The following SRP68 variants were observed in gnomAD, a reference collection of about 807,000 sequenced individuals.
SRP68 encodes signal recognition particle subunit SRP68.
SRP68 carries 15 observed loss-of-function variants against 82.2 expected under a neutral mutation model. The ratio of observed to expected loss-of-function variants is 0.18; its 90% CI spans 0.12 to 0.28. The LOEUF (loss-of-function observed/expected upper bound fraction) is 0.28. SRP68 is among the 10% of genes least tolerant of loss of function. The probability of loss-of-function intolerance (pLI) is 1.00; values close to 1 mark genes in which losing one functional copy is unlikely to be tolerated. For synonymous variants in SRP68, 261 were observed against 292.6 expected (o/e 0.89, Z 1.10); for missense variants, 595 against 780.5 (o/e 0.76, Z 2.83).
At chr17:76,041,879 G>T (rs1008548187) in intron 13 of SRP68, among the ~76,000 whole-genome samples, 2 of 150,466 alleles carry the variant, frequency 1.3e-5, no homozygotes, top group African/African-American at 2.4e-5. Flanking sequence ...TCAACGACAG[G>T]AACCTTTGCT....
intron 8 of SRP68, among the ~76,000 whole-genome samples, chr17:76,056,518 A>T (rs763916797): frequency 1.3e-4 from 20 of 152,214 alleles, no homozygotes; most frequent in Admixed American, 7.9e-4. Context: ...AATAAAAGGG[A>T]TATGAGACAG....
chr17:76,064,114 C>T lies in SRP68; in HGVS notation c.423G>A (p.Leu141=). ...GGGGTTCAGTGTTGGCTTCCTGTTTCAGCTGCATGGCGTAGCTCCAGGCTC... is the reference window on the plus strand; with the variant it reads ...GGGGTTCAGTGTTGGCTTCCTGTTTTAGCTGCATGGCGTAGCTCCAGGCTC... The part of the protein sequence containing the change: ...AERAWSYAMQ[L]KQEANTEPRK... Residue 141 remains leucine, a synonymous_variant, in exon 4 of 16, where the codon CTG becomes CTA. Transcript: ENST00000307877. 3 of 1,614,216 alleles carry T rather than the reference C, an allele frequency of 1.9e-6. No homozygotes were observed. The highest frequency in any genetic ancestry group is 1.7e-6 in the Non-Finnish European group (2 of 1,180,046).
chr17:76,070,210 G>A (rs1197008956), intron 2 of SRP68, among the ~76,000 whole-genome samples, 168 bp downstream of exon 2: 3 of 115,188 alleles, frequency 2.6e-5, no homozygotes, highest in East Asian at 2.7e-4. Context: ...GCGACAGAGC[G>A]AGACTCCATC....
Position 76,072,508 on chromosome 17 carries a change from A to G in SRP68, c.-17T>C. The G allele has an allele frequency of 6.3e-7, 1 of 1,578,502 alleles. No homozygotes were observed. The highest frequency in any genetic ancestry group is 1.1e-5 in the South Asian group (1 of 87,954). The stretch of plus-strand genomic sequence containing the variant: ...AGCAGCCATCTTGCCCCTGCGCCGC[A>G]GAGCAAGACGGGATAGGGGAGGCGG... On this transcript the variant is annotated 5_prime_UTR_variant, in exon 1 of 16. Coordinates refer to ENST00000307877, the MANE Select transcript of SRP68 (RefSeq NM_014230.4). This position sits in a 1 kb window ranked among gnomAD's most constrained non-coding sequence, Gnocchi z 4.5.
intron 10 of SRP68, among the ~76,000 whole-genome samples, chr17:76,047,169 G>A (rs1267369314): frequency 6.6e-6 from 1 of 152,122 alleles, no homozygotes; most frequent in Admixed American, 6.5e-5. Flanking sequence ...GGAATGCAGT[G>A]ACATGACCAT....
intron 11 of SRP68, 100 bp downstream of exon 11, chr17:76,045,938 C>T: frequency 6.8e-7 from 1 of 1,465,664 alleles, no homozygotes; most frequent in South Asian, 1.2e-5. Flanking sequence ...ATAGGTCCTG[C>T]TTGTCACAGC....
chr17:76,068,788 G>T (rs1018911300), intron 2 of SRP68, among the ~76,000 whole-genome samples: 32 of 152,136 alleles, frequency 2.1e-4, no homozygotes, highest in African/African-American at 7.5e-4. Context: ...TTTTGAGACA[G>T]AGTCTCACTA....
At chr17:76,063,644 C>T (rs1346173815) in intron 4 of SRP68, among the ~76,000 whole-genome samples, 7 of 149,124 alleles carry the variant, frequency 4.7e-5, no homozygotes, top group African/African-American at 5.0e-5. Flanking sequence ...GCTGAGAACG[C>T]GCCACTGCAC....
chr17:76,058,817 A>T (rs891502921), intron 7 of SRP68, among the ~76,000 whole-genome samples: 2 of 152,218 alleles, frequency 1.3e-5, no homozygotes, highest in Non-Finnish European at 2.9e-5. Context: ...ATAATCAAGA[A>T]TGTGTGCAAA....
At position 76,072,131 on chromosome 17, in the gene SRP68, G is replaced by A; in HGVS notation, c.184+177C>T. 1 of 1,228,988 alleles carries A rather than the reference G, an allele frequency of 8.1e-7. No individual in the cohort carries two copies. 76.1% of individuals were successfully genotyped at this position (1,228,988 alleles called of 1,614,324 possible). ...GGACGGCGAGGGGGACACGAGGAAAGACTAGTCGAGAGACAGACCCCCCCC... is the reference window on the plus strand; with the variant it reads ...GGACGGCGAGGGGGACACGAGGAAAAACTAGTCGAGAGACAGACCCCCCCC... On this transcript the variant is annotated intron_variant, in intron 1 of 15. Transcript: ENST00000307877. The surrounding 1 kb of genome is among the most constrained non-coding windows in gnomAD (Gnocchi z 4.5).
intron 2 of SRP68, among the ~76,000 whole-genome samples, chr17:76,068,417 T>C (rs1361791106): frequency 1.4e-5 from 2 of 147,492 alleles, no homozygotes; most frequent in Admixed American, 6.8e-5. Flanking sequence ...GAACACGCCA[T>C]TGCACTCCAG....
intron 13 of SRP68, among the ~76,000 whole-genome samples, chr17:76,042,344 C>T (rs1336575190): frequency 6.6e-6 from 1 of 151,882 alleles, no homozygotes; most frequent in Non-Finnish European, 1.5e-5. Context: ...TGGCTCACGC[C>T]TGTAATCCTA....
At position 76,067,305 on chromosome 17, in the gene SRP68, G is replaced by C. The variant is rs780073296; in HGVS notation, c.277C>G (p.Arg93Gly). 6.2e-7 allele frequency: 1 copy of C among 1,613,168 alleles called. No individual in the cohort carries two copies. Among genetic ancestry groups the C allele is most frequent in the East Asian group, 2.2e-5 (1 of 44,864 alleles). Residue 93 changes from arginine to glycine, a missense_variant, in exon 3 of 16, where the codon CGT (arginine) becomes GGT (glycine). Transcript: ENST00000307877. ...TTGAAGTTGAGTGTTTTTCGAAGACGTCTTTGTCTACGGGAACAGTAGCCC... is the reference window on the plus strand; with the variant it reads ...TTGAAGTTGAGTGTTTTTCGAAGACCTCTTTGTCTACGGGAACAGTAGCCC... ...YRGYCSRRQRRLRKTLNFKMG... is the reference protein window; with the variant it reads ...YRGYCSRRQRGLRKTLNFKMG...
intron 10 of SRP68, among the ~76,000 whole-genome samples, chr17:76,046,833 T>C (rs893179159): frequency 2.0e-5 from 3 of 151,706 alleles, no homozygotes; most frequent in Admixed American, 6.6e-5. Flanking sequence ...CCCAGCTACT[T>C]GGGAGGCTGA....
At chr17:76,060,150 A>AG (rs2066742243) in intron 7 of SRP68, among the ~76,000 whole-genome samples, 158 bp downstream of exon 7, 2 of 147,928 alleles carry the variant, frequency 1.4e-5, no homozygotes, top group Non-Finnish European at 3.0e-5. Context: ...AAAAAAAAAA[A>AG]GAAAAAGTTT....
At chr17:76,059,789 CAAAA>C (rs35942880) in intron 7 of SRP68, among the ~76,000 whole-genome samples, 5 of 87,936 alleles carry the variant, frequency 5.7e-5, no homozygotes, top group Non-Finnish European at 6.9e-5. Flanking sequence ...AAGACTGTCT[CAAAA>C]AAAAAAAAAA....
At position 76,058,967 on chromosome 17, in the gene SRP68, T is replaced by C. The variant is rs143486025; in HGVS notation, c.837+1341A>G. Among the ~76,000 whole-genome samples, 5 of 152,326 alleles carry C rather than the reference T, an allele frequency of 3.3e-5. No individual in the cohort carries two copies. The East Asian group carries it at 9.6e-4, about 29-fold the overall frequency. On this transcript the variant is annotated intron_variant, in intron 7 of 15. Coordinates refer to ENST00000307877, the MANE Select transcript of SRP68 (RefSeq NM_014230.4). ...GTGTATGGCTGGATAAGGTGGATCA[T>C]GCCTGTGATCCCCTGTGATCCCAGC...
At chr17:76,061,944 G>T (rs2066755352) in intron 4 of SRP68, among the ~76,000 whole-genome samples, 1 of 151,542 alleles carries the variant, frequency 6.6e-6, no homozygotes, top group African/African-American at 2.4e-5. Context: ...TTCAAGATCG[G>T]CCTGGGCAAC....
chr17:76,045,472 A>G, intron 11 of SRP68, 86 bp from the exon 12 acceptor site: 1 of 1,002,402 alleles, frequency 1.0e-6, no homozygotes, highest in South Asian at 1.4e-5. Flanking sequence ...AACGGACAAG[A>G]GTGAGGAAAA....
Sources: gnomAD v4.1 joint callset for allele counts (sites outside exome capture counted in the v4.1 genomes callset) on GRCh38, gnomAD v4.1.1 for gene constraint, Gnocchi (gnomAD v3.1) non-coding constraint, MANE v1.5 for transcripts, NCBI Gene and HGNC (gene_info 2026-07-23, HGNC 2026-07-21) for gene names.